CDH2: variants seen among roughly 807,000 people sequenced by gnomAD.
The protein encoded by CDH2 is cadherin 2, also known as cadherin-2.
A neutral mutation model predicts 92.0 loss-of-function variants in CDH2; 17 were observed. That is an observed-to-expected ratio of 0.18 (90% CI 0.13 to 0.28). The LOEUF (loss-of-function observed/expected upper bound fraction) is 0.28. CDH2 is among the 10% of genes least tolerant of loss of function. The pLI is 1.00. For missense variants in CDH2, 862 were observed against 1,133.1 expected (o/e 0.76, Z 3.44); for synonymous variants, 419 against 415.9 (o/e 1.01, Z -0.09).
intron 7 of CDH2, among the ~76,000 whole-genome samples, chr18:27,997,033 TA>T (rs1287409063): frequency 6.6e-6 from 1 of 152,352 alleles, no homozygotes; most frequent in Admixed American, 6.5e-5. Context: ...TAATTTATTG[TA>T]AAAGTCCCAT....
intron 2 of CDH2, among the ~76,000 whole-genome samples, chr18:28,108,698 T>A (rs2144248946): frequency 6.6e-6 from 1 of 152,198 alleles, no homozygotes; most frequent in East Asian, 1.9e-4. Flanking sequence ...CTATTTTGCA[T>A]TAAGCAGAGC....
At chr18:28,085,961 G>A (rs1047126322) in intron 2 of CDH2, among the ~76,000 whole-genome samples, 55 of 152,040 alleles carry the variant, frequency 3.6e-4, no homozygotes, top group Non-Finnish European at 6.6e-4. Context: ...TTCTCTAAAG[G>A]AGAATAAAAA....
In CDH2 at chr18:28,177,060, C is replaced by CGGCGGCGGT; in HGVS notation, c.-39_-38insACCGCCGCC. ...GGGCCGAGCGAAGAGCCGGAGGAGG[C>CGGCGGCGGT]GGCGGCGGCGGCGGCGGCGGCGGAG... On this transcript the variant is annotated 5_prime_UTR_variant, in exon 1 of 16. Transcript: ENST00000269141. 8.9e-7 allele frequency: 1 copy of CGGCGGCGGT among 1,128,678 alleles called. No individual in the cohort carries two copies. Among genetic ancestry groups the CGGCGGCGGT allele is most frequent in the Non-Finnish European group, 1.2e-6 (1 of 843,238 alleles). 69.9% of individuals were successfully genotyped at this position (1,128,678 alleles called of 1,614,324 possible).
chr18:28,068,040 T>C (rs1023064137), intron 2 of CDH2, among the ~76,000 whole-genome samples: 17 of 152,168 alleles, frequency 1.1e-4, no homozygotes, highest in African/African-American at 2.7e-4. Context: ...AACCACTCCA[T>C]AGGGAGAAAA....
intron 2 of CDH2, among the ~76,000 whole-genome samples, chr18:28,118,379 A>C (rs17536305): frequency 1.3e-5 from 2 of 152,128 alleles, no homozygotes; most frequent in African/African-American, 4.8e-5. Flanking sequence ...TAACATCAAT[A>C]TTGATCCTCA....
rs772665693 is a variant in CDH2 at position 28,176,984 on chromosome 18, C to T, written c.39G>A (p.Pro13=). ...GTACCTGAAGCAGGGCCGCCAGCAGCGGCAGCAGGGTCCGCAGCGCTCCCG... is the reference window on the plus strand; with the variant it reads ...GTACCTGAAGCAGGGCCGCCAGCAGTGGCAGCAGGGTCCGCAGCGCTCCCG... ...RIAGALRTLL[P]LLAALLQASV... The change falls in exon 1 of 16, where the codon CCG becomes CCA. Residue 13 remains proline (P), a synonymous_variant. Coordinates refer to ENST00000269141, the MANE Select transcript of CDH2 (RefSeq NM_001792.5). 7.6e-6 allele frequency: 11 copies of T among 1,451,432 alleles called. No homozygotes were observed. In the South Asian group the frequency reaches 1.1e-4, roughly 14 times the overall value. The allele number at this position is 1,451,432 out of a possible 1,614,324, so 89.9% of individuals were successfully genotyped here.
chr18:28,047,868 C>CAAAA (rs149752979), intron 2 of CDH2, among the ~76,000 whole-genome samples: 152 of 46,468 alleles, frequency 3.3e-3, no homozygotes, highest in Non-Finnish European at 4.1e-3. Flanking sequence ...GACTCCATCT[C>CAAAA]AAAAAAAAAA....
chr18:28,027,536 A>C (rs2013586481), intron 2 of CDH2, among the ~76,000 whole-genome samples: 1 of 152,164 alleles, frequency 6.6e-6, no homozygotes, highest in Admixed American at 6.6e-5. Flanking sequence ...ACTGAAAAAA[A>C]ATCAAAACAG....
At chr18:28,017,083 G>T (rs548895940) in intron 2 of CDH2, among the ~76,000 whole-genome samples, 1 of 152,086 alleles carries the variant, frequency 6.6e-6, no homozygotes, top group East Asian at 1.9e-4. Context: ...GTAGTTTTTT[G>T]TTGTTGTTCT....
At chr18:27,935,823 C>A (rs960136664) in intron 6 of CDH2, among the ~76,000 whole-genome samples, 7 of 152,172 alleles carry the variant, frequency 4.6e-5, no homozygotes, top group African/African-American at 1.7e-4. Flanking sequence ...AATACATTTT[C>A]TTTATTCATT....
intron 2 of CDH2, among the ~76,000 whole-genome samples, chr18:28,085,879 T>A (rs2014917609): frequency 6.6e-6 from 1 of 152,156 alleles, no homozygotes; most frequent in South Asian, 2.1e-4. Context: ...ACAAAATTAG[T>A]ATTTAGGTCA....
At chr18:28,161,944 G>A (rs888220664) in intron 1 of CDH2, among the ~76,000 whole-genome samples, 59 of 152,182 alleles carry the variant, frequency 3.9e-4, no homozygotes, top group African/African-American at 7.2e-4. Context: ...CTATAGGTCC[G>A]TAAGCTTCGA....
intron 1 of CDH2, among the ~76,000 whole-genome samples, chr18:28,171,967 T>C (rs1158492690): frequency 6.6e-6 from 1 of 152,178 alleles, no homozygotes; most frequent in Non-Finnish European, 1.5e-5. Context: ...CTAAACCACC[T>C]TTCATGACAT....
chr18:28,117,868 A>T (rs1013320971), intron 2 of CDH2, among the ~76,000 whole-genome samples: 1 of 152,092 alleles, frequency 6.6e-6, no homozygotes, highest in African/African-American at 2.4e-5. Context: ...CCTGACTCCT[A>T]GACTATTACT....
chr18:28,038,051 G>A (rs1299132043), intron 2 of CDH2, among the ~76,000 whole-genome samples: 1 of 152,152 alleles, frequency 6.6e-6, no homozygotes, highest in Non-Finnish European at 1.5e-5. Context: ...GAAAAGAATA[G>A]AAACAGGTTA....
chr18:28,020,009 CAT>C (rs1293636345), intron 2 of CDH2, among the ~76,000 whole-genome samples: 1 of 152,110 alleles, frequency 6.6e-6, no homozygotes, highest in African/African-American at 2.4e-5. Flanking sequence ...CCATGTGAAT[CAT>C]ATTTTATTAT....
chr18:27,940,637 A>G (rs192112119), intron 6 of CDH2, among the ~76,000 whole-genome samples: 17 of 152,298 alleles, frequency 1.1e-4, no homozygotes, highest in Admixed American at 1.1e-3. Flanking sequence ...TAGTTCCTCC[A>G]TTCTTCAAGG....
At chr18:27,952,652 A>G (rs2068559222) in intron 15 of CDH2, among the ~76,000 whole-genome samples, 1 of 152,168 alleles carries the variant, frequency 6.6e-6, no homozygotes, top group Non-Finnish European at 1.5e-5. Flanking sequence ...AGGTGGCAGA[A>G]ATGAATGGCC....
chr18:28,087,890 T>A (rs1257534786), intron 2 of CDH2, among the ~76,000 whole-genome samples: 1 of 152,194 alleles, frequency 6.6e-6, no homozygotes, highest in Non-Finnish European at 1.5e-5. Flanking sequence ...AGCTGTATTA[T>A]AAAGGACAGG....
Sources: gnomAD v4.1 joint callset for allele counts (sites outside exome capture counted in the v4.1 genomes callset) on GRCh38, gnomAD v4.1.1 for gene constraint, MANE v1.5 for transcripts, NCBI Gene and HGNC (gene_info 2026-07-23, HGNC 2026-07-21) for gene names.